Variants in DIP2C observed in about 807,000 individuals in gnomAD.
DIP2C encodes the protein DIP2 acetate--CoA ligase C (putative).
Under a neutral mutation model 192.4 loss-of-function variants are expected in DIP2C, and 33 were observed. That is an observed-to-expected ratio of 0.17 (90% CI 0.13 to 0.23). The LOEUF is 0.23. DIP2C is among the 10% of genes least tolerant of loss of function. DIP2C has a pLI of 1.00. For missense variants in DIP2C, 1,537 were observed against 2,110.1 expected, an observed-to-expected ratio of 0.73 and a Z score of 5.32; for synonymous variants, 979 against 864.1, an observed-to-expected ratio of 1.13 and a Z score of -2.33.
chr10:390,418 T>G, intron 11 of DIP2C, 45 bp from the exon 12 acceptor site: 1 of 1,575,252 alleles, frequency 6.3e-7, no homozygotes, highest in Non-Finnish European at 8.7e-7. Flanking sequence ...ACTCTGAAAG[T>G]CGGTCTGTAG....
intron 1 of DIP2C, chr10:668,200 CAACA>C (rs1857226317): frequency 6.6e-6 from 1 of 152,114 alleles, no homozygotes; most frequent in Non-Finnish European, 1.5e-5. Flanking sequence ...ACTCACAACA[CAACA>C]TACACATACA....
intron 1 of DIP2C, among the ~76,000 whole-genome samples, chr10:523,097 T>A (rs1341272059): frequency 6.6e-6 from 1 of 152,066 alleles, no homozygotes. Context: ...CAAAGGACCC[T>A]GGAGTGAGGA....
intron 9 of DIP2C, among the ~76,000 whole-genome samples, chr10:404,825 G>T (rs558750771): frequency 2.0e-5 from 3 of 152,348 alleles, no homozygotes; most frequent in East Asian, 1.9e-4. Context: ...CATCTATGCG[G>T]ATAAGCCACA....
intron 1 of DIP2C, among the ~76,000 whole-genome samples, chr10:545,213 C>A (rs1848223955): frequency 8.1e-6 from 1 of 124,078 alleles, no homozygotes; most frequent in Non-Finnish European, 1.6e-5. Context: ...TCTGTCCAGG[C>A]TGGAGTGTAG....
intron 1 of DIP2C, among the ~76,000 whole-genome samples, chr10:612,847 A>T (rs1245116753): frequency 5.5e-4 from 84 of 152,350 alleles, no homozygotes; most frequent in Non-Finnish European, 8.8e-5. Context: ...AAAGTCAAGA[A>T]GTGTCAGGTT....
intron 4 of DIP2C, among the ~76,000 whole-genome samples, chr10:439,878 T>G (rs1042414454): frequency 1.3e-5 from 2 of 152,194 alleles, no homozygotes; most frequent in Non-Finnish European, 2.9e-5. Context: ...ATATTGTACC[T>G]TAAGTTTCTC....
At chr10:528,288 T>C (rs746662470) in intron 1 of DIP2C, among the ~76,000 whole-genome samples, 2 of 151,406 alleles carry the variant, frequency 1.3e-5, no homozygotes, top group Non-Finnish European at 2.9e-5. Flanking sequence ...ACCCAGAACA[T>C]AGACTGCCTG....
rs1589612250 is a variant in DIP2C, at chr10:363,302, C to G, written c.2487G>C (p.Val829=). The G allele has an allele frequency of 1.2e-6, 2 of 1,611,228 alleles. No individual in the cohort carries two copies. Among genetic ancestry groups the G allele is most frequent in the Non-Finnish European group, 1.7e-6 (2 of 1,179,974 alleles). Residue 829 remains valine, a synonymous_variant, in exon 21 of 37, where the codon GTG becomes GTC. Transcript: ENST00000280886. This position sits in a 1 kb window ranked among gnomAD's most constrained non-coding sequence, Gnocchi z 5.4. The part of the protein sequence containing the change: ...MKFVYRGRIA[V]FSVTVLHDER... ...CGTCGTGCAGCACGGTCACCGAGAA[C>G]ACGGCTATCCTGCGGGGACACAGGA...
chr10:415,733 C>T, intron 7 of DIP2C, 36 bp downstream of exon 7: 1 of 1,610,962 alleles, frequency 6.2e-7, no homozygotes, highest in Non-Finnish European at 8.5e-7. Flanking sequence ...ACCATAGGAG[C>T]ATCTGGAAGA....
intron 25 of DIP2C, 132 bp downstream of exon 25, chr10:349,199 C>T: frequency 2.3e-6 from 3 of 1,303,254 alleles, no homozygotes; most frequent in Non-Finnish European, 2.1e-6. Flanking sequence ...GGTTAGCATC[C>T]AGCTGGATAC....
At position 283,399 on chromosome 10, in the gene DIP2C, G is replaced by A. The variant is rs377450275; in HGVS notation, c.4167C>T (p.Tyr1389=). Residue 1389 remains tyrosine, a synonymous_variant, in exon 35 of 37, where the codon TAC becomes TAT. Transcript: ENST00000280886. ...GATCTGACTGGAGGGATTCGTCTCC[G>A]TAAATAGTGAAATAACCGCTGGCAT... The part of the protein sequence containing the change: ...AHNASGYFTI[Y]GDESLQSDHF... The A allele has an allele frequency of 2.4e-5, 39 of 1,614,200 alleles. No individual in the cohort carries two copies. Among genetic ancestry groups the A allele is most frequent in the South Asian group, 1.1e-4 (10 of 91,082 alleles).
chr10:492,065 A>T (rs1844487221), intron 1 of DIP2C, among the ~76,000 whole-genome samples: 1 of 152,124 alleles, frequency 6.6e-6, no homozygotes, highest in African/African-American at 2.4e-5. Flanking sequence ...CAAAATCCTG[A>T]CCCCTGAGAA....
chr10:469,555 G>A (rs1970469072), intron 3 of DIP2C, among the ~76,000 whole-genome samples: 1 of 152,080 alleles, frequency 6.6e-6, no homozygotes, highest in Admixed American at 6.5e-5. Context: ...GAACTCAAGT[G>A]ATCTGCCCGC....
intron 1 of DIP2C, among the ~76,000 whole-genome samples, chr10:595,432 G>C (rs1233348429): frequency 6.6e-6 from 1 of 152,154 alleles, no homozygotes; most frequent in Non-Finnish European, 1.5e-5. Context: ...TGAAGAAAAA[G>C]TGAGTATCTC....
chr10:650,360 G>A, intron 1 of DIP2C: 1 of 717,236 alleles, frequency 1.4e-6, no homozygotes, highest in Non-Finnish European at 2.6e-6. Flanking sequence ...CCAGACCGGG[G>A]CTGTGGATAA....
intron 1 of DIP2C, among the ~76,000 whole-genome samples, chr10:576,297 C>T (rs1361725662): frequency 6.6e-6 from 1 of 152,212 alleles, no homozygotes; most frequent in Non-Finnish European, 1.5e-5. Context: ...ACGCCACAGA[C>T]CACATCACAC....
intron 32 of DIP2C, among the ~76,000 whole-genome samples, chr10:292,730 G>T (rs987760663): frequency 1.3e-5 from 2 of 152,224 alleles, no homozygotes; most frequent in African/African-American, 4.8e-5. Flanking sequence ...GTGCTGCTGA[G>T]ATAATCAGGT....
intron 31 of DIP2C, among the ~76,000 whole-genome samples, chr10:321,595 A>G (rs1957025571): frequency 6.9e-6 from 1 of 143,956 alleles, no homozygotes; most frequent in Non-Finnish European, 1.5e-5. Flanking sequence ...CTCCAGCGAG[A>G]GACCGGCGCT....
intron 3 of DIP2C, among the ~76,000 whole-genome samples, chr10:453,077 A>G (rs757216348): frequency 3.9e-5 from 6 of 152,236 alleles, no homozygotes; most frequent in Non-Finnish European, 5.9e-5. Context: ...ACTTTTAGGA[A>G]AATATAACAT....
Sources: allele counts gnomAD v4.1 joint callset (sites outside exome capture counted in the v4.1 genomes callset), GRCh38; gene constraint gnomAD v4.1.1; non-coding constraint Gnocchi (gnomAD v3.1); transcripts MANE v1.5; gene names NCBI Gene and HGNC (gene_info 2026-07-23, HGNC 2026-07-21).